SHISA9: variants seen among roughly 807,000 people sequenced by gnomAD.
The protein encoded by SHISA9 is protein shisa-9.
Under a neutral mutation model 38.0 loss-of-function variants are expected in SHISA9, and 13 were observed. The observed-to-expected ratio is 0.34, with a 90% CI of 0.22 to 0.54. The LOEUF (loss-of-function observed/expected upper bound fraction) is 0.54, where lower values mean the gene tolerates loss of function less well. Ranked by LOEUF, SHISA9 falls within the 20% of genes least tolerant of loss-of-function variation. The pLI is 0.91. For missense variants in SHISA9, 538 were observed against 575.8 expected, an observed-to-expected ratio of 0.93 and a Z score of 0.67; for synonymous variants, 275 against 242.0, an observed-to-expected ratio of 1.14 and a Z score of -1.27.
intron 2 of SHISA9, among the ~76,000 whole-genome samples, chr16:12,917,633 G>C (rs1015254970): frequency 6.6e-6 from 1 of 152,144 alleles, no homozygotes; most frequent in Non-Finnish European, 1.5e-5. Context: ...TTTAGTTTTT[G>C]ACAATAATGT....
At chr16:13,423,232 C>T in the SHISA9 span, among the ~76,000 whole-genome samples, 2 of 152,166 alleles carry the variant, frequency 1.3e-5, no homozygotes, top group Admixed American at 6.5e-5. Flanking sequence ...TTCAATATTC[C>T]AGGCAGTACA....
chr16:13,362,431 C>T, the SHISA9 span, among the ~76,000 whole-genome samples: 6 of 151,690 alleles, frequency 4.0e-5, no homozygotes, highest in South Asian at 8.3e-4. Flanking sequence ...CTGTCTCAGA[C>T]CAAAAAAACA....
At chr16:13,214,896 A>T (rs953791261) in intron 4 of SHISA9, among the ~76,000 whole-genome samples, 17 of 152,142 alleles carry the variant, frequency 1.1e-4, no homozygotes, top group Non-Finnish European at 2.1e-4. Context: ...GCGAGTTGCA[A>T]TTCAAGATGA....
intron 2 of SHISA9, among the ~76,000 whole-genome samples, chr16:12,955,419 T>C (rs74593641): frequency 0.055 from 8,391 of 151,688 alleles, 437 homozygotes; most frequent in African/African-American, 0.14. Flanking sequence ...CCCACTGGGG[T>C]AGAGTGGAAG....
At chr16:13,095,078 A>G (rs1452536944) in intron 2 of SHISA9, among the ~76,000 whole-genome samples, 1 of 152,186 alleles carries the variant, frequency 6.6e-6, no homozygotes, top group Admixed American at 6.5e-5. Flanking sequence ...TGGTCTGTCA[A>G]ATGGTTTACA....
chr16:12,931,463 A>G (rs560501877), intron 2 of SHISA9, among the ~76,000 whole-genome samples: 17 of 152,186 alleles, frequency 1.1e-4, no homozygotes, highest in Non-Finnish European at 4.4e-5. Context: ...TAGCATTCCC[A>G]GTGTCTGTTA....
intron 2 of SHISA9, among the ~76,000 whole-genome samples, chr16:13,103,702 G>A (rs1201971241): frequency 1.3e-5 from 2 of 152,186 alleles, no homozygotes; most frequent in Non-Finnish European, 2.9e-5. Context: ...TAATTCTTGT[G>A]GTGGGGTTAT....
chr16:13,400,736 C>G, the SHISA9 span, among the ~76,000 whole-genome samples: 2 of 152,180 alleles, frequency 1.3e-5, no homozygotes, highest in African/African-American at 4.8e-5. Context: ...CTAGTTTATG[C>G]GGACAACCAG....
At chr16:13,328,253 T>C in the SHISA9 span, among the ~76,000 whole-genome samples, 26 of 152,140 alleles carry the variant, frequency 1.7e-4, no homozygotes, top group African/African-American at 5.8e-4. Flanking sequence ...AACTCCTAAA[T>C]GCCAGCTCTC....
At chr16:13,416,790 AG>A in the SHISA9 span, among the ~76,000 whole-genome samples, 36,333 of 117,326 alleles carry the variant, frequency 0.31, 5,607 homozygotes, top group African/African-American at 0.33. Flanking sequence ...GAAGGAAGGA[AG>A]GGAAGGAAGG....
At chr16:12,943,018 G>C (rs543315365) in intron 2 of SHISA9, among the ~76,000 whole-genome samples, 20 of 152,198 alleles carry the variant, frequency 1.3e-4, no homozygotes, top group African/African-American at 4.6e-4. Context: ...ACCAGCAGCT[G>C]CAAACCAGAA....
At chr16:13,434,984 G>T in the SHISA9 span, among the ~76,000 whole-genome samples, 1 of 152,272 alleles carries the variant, frequency 6.6e-6, no homozygotes, top group East Asian at 1.9e-4. Context: ...AATAATCCCT[G>T]TTTAAAATGA....
At chr16:13,301,370 G>T in the SHISA9 span, among the ~76,000 whole-genome samples, 1 of 152,158 alleles carries the variant, frequency 6.6e-6, no homozygotes, top group Non-Finnish European at 1.5e-5. Flanking sequence ...CTTGAATGAG[G>T]CACGAGATTC....
intron 2 of SHISA9, among the ~76,000 whole-genome samples, chr16:13,082,686 G>A (rs2073665799): frequency 1.3e-5 from 2 of 152,162 alleles, no homozygotes; most frequent in South Asian, 4.1e-4. Flanking sequence ...TTCCCCAAAT[G>A]AGAAGCAGAT....
chr16:13,022,519 C>T (rs552784253), intron 2 of SHISA9, among the ~76,000 whole-genome samples: 6 of 152,036 alleles, frequency 3.9e-5, no homozygotes, highest in Non-Finnish European at 5.9e-5. Flanking sequence ...TTAATAGAGA[C>T]GGGGTTTCAC....
chr16:13,161,464 T>A (rs1274232178), intron 2 of SHISA9, among the ~76,000 whole-genome samples: 16 of 152,212 alleles, frequency 1.1e-4, no homozygotes, highest in Non-Finnish European at 2.9e-5. Flanking sequence ...CAGTTAATTA[T>A]ACTCTTTCAT....
intron 2 of SHISA9, among the ~76,000 whole-genome samples, chr16:13,116,461 A>G (rs1290486575): frequency 1.3e-5 from 2 of 152,140 alleles, no homozygotes; most frequent in Non-Finnish European, 1.5e-5. Context: ...CTGAAATTTC[A>G]GATGTGAAAG....
At chr16:12,917,409 A>G (rs1409712523) in intron 2 of SHISA9, among the ~76,000 whole-genome samples, 1 of 152,122 alleles carries the variant, frequency 6.6e-6, no homozygotes, top group Non-Finnish European at 1.5e-5. Flanking sequence ...GTTCCTCTGT[A>G]TGATTCAACA....
the SHISA9 span, among the ~76,000 whole-genome samples, chr16:13,383,831 T>C: frequency 1.1e-4 from 17 of 152,126 alleles, no homozygotes; most frequent in Admixed American, 5.9e-4. Context: ...TGTGTGTTGG[T>C]AGAGGTAGAG....
Sources: gnomAD v4.1 joint callset for allele counts (sites outside exome capture counted in the v4.1 genomes callset) on GRCh38, gnomAD v4.1.1 for gene constraint, MANE v1.5 for transcripts, NCBI Gene and HGNC (gene_info 2026-07-23, HGNC 2026-07-21) for gene names.